The following AGBL1 variants were observed in gnomAD, a reference collection of about 807,000 sequenced individuals.
AGBL1 encodes AGBL carboxypeptidase 1, also known as cytosolic carboxypeptidase 4.
AGBL1 carries 130 observed loss-of-function variants against 118.9 expected under a neutral mutation model. That is an observed-to-expected ratio of 1.09 (90% CI 0.95 to 1.26). The LOEUF (loss-of-function observed/expected upper bound fraction) is 1.26, where lower values mean the gene tolerates loss of function less well. Ranked by LOEUF, AGBL1 falls within the 50% of genes most tolerant of loss-of-function variation. The pLI, the probability that AGBL1 is intolerant of heterozygous loss-of-function variation, is 0.00. For missense variants in AGBL1, 1,584 were observed against 1,298.1 expected (o/e 1.22, Z -3.38); for synonymous variants, 555 against 478.9 (o/e 1.16, Z -2.08).
intron 21 of AGBL1, among the ~76,000 whole-genome samples, chr15:86,647,009 G>A (rs1450504922): frequency 6.6e-6 from 1 of 151,408 alleles, no homozygotes; most frequent in Non-Finnish European, 1.5e-5. Context: ...TTGTTTTGTT[G>A]TCTTCTCTTA....
At chr15:86,945,910 C>T (rs1274342834) in intron 23 of AGBL1, among the ~76,000 whole-genome samples, 1 of 152,162 alleles carries the variant, frequency 6.6e-6, no homozygotes, top group Non-Finnish European at 1.5e-5. Flanking sequence ...AATAATTCTT[C>T]CCAAATGTAT....
chr15:86,278,824 G>A (rs577471337), intron 15 of AGBL1, among the ~76,000 whole-genome samples: 2 of 152,134 alleles, frequency 1.3e-5, no homozygotes, highest in African/African-American at 2.4e-5. Context: ...AATATTGCTC[G>A]GAATGGACTT....
chr15:86,914,009 T>A lies in AGBL1; in HGVS notation c.*6715T>A, dbSNP rs1381345910. 1 of 152,344 alleles carries A rather than the reference T, an allele frequency of 6.6e-6. No homozygotes were observed. Among genetic ancestry groups the A allele is most frequent in the Non-Finnish European group, 1.5e-5 (1 of 68,024 alleles). 9.4% of individuals were successfully genotyped at this position (152,344 alleles called of 1,614,324 possible). A position where few individuals can be genotyped will look rare whatever the true frequency, so the allele number is the denominator to read the frequency against. ...TCAGACAAGTATTATGACCAGCTCC[T>A]GGCAAAATAAGTAACACTTAAGCAT... On this transcript the variant is annotated 3_prime_UTR_variant, in exon 23 of 23. Coordinates refer to ENST00000614907, the MANE Select transcript of AGBL1 (RefSeq NM_001386094.1).
downstream of AGBL1, among the ~76,000 whole-genome samples, chr15:86,919,573 GACACACACACACACACACACACACAC>G (rs376501612): frequency 2.3e-4 from 30 of 128,738 alleles, no homozygotes; most frequent in Non-Finnish European, 3.6e-4. Flanking sequence ...TCCCTGTTGA[GACACACACACACACACACACACACAC>G]ACACACACAC....
intron 5 of AGBL1, among the ~76,000 whole-genome samples, chr15:86,219,337 C>G (rs541211567): frequency 6.6e-6 from 1 of 152,258 alleles, no homozygotes; most frequent in East Asian, 1.9e-4. Flanking sequence ...GCAAAAATTA[C>G]GTTTGGACCA....
Position 86,216,229 on chromosome 15 carries a change from CATTT to C in AGBL1, c.489-8661_489-8658del, listed in dbSNP as rs56843379. Among the ~76,000 whole-genome samples the C allele has an allele frequency of 1.4e-3, 207 of 150,674 alleles. 1 individual carries two copies. The highest frequency in any genetic ancestry group is 1.6e-3 in the Non-Finnish European group (108 of 67,690). On this transcript the variant is annotated intron_variant, in intron 5 of 22. Transcript: ENST00000614907. ...ATTTCTTATTTTCCAAACTACATGC[CATTT>C]ATTTATTTATTTATTTATTTATTCA...
chr15:86,759,700 A>C (rs2077996994), intron 22 of AGBL1, among the ~76,000 whole-genome samples: 1 of 152,140 alleles, frequency 6.6e-6, no homozygotes, highest in Admixed American at 6.6e-5. Flanking sequence ...ATATGGAAGA[A>C]CATTAAAATC....
At position 86,224,916 on chromosome 15, in the gene AGBL1, C is replaced by T. The variant is rs1220790538; in HGVS notation, c.491C>T (p.Ala164Val). 1.2e-6 allele frequency: 2 copies of T among 1,613,336 alleles called. No homozygotes were observed. Residue 164 changes from alanine (A) to valine (V), a missense_variant and splice_region_variant, in exon 6 of 23, where the codon GCA (alanine) becomes GTA (valine). Physicochemically the swap from Ala to Val is moderately conservative, Grantham distance 64. Coordinates refer to ENST00000614907, the MANE Select transcript of AGBL1 (RefSeq NM_001386094.1). ...TACTTTTCTTTCTCTTTCCCCAGGG[C>T]AGCCACTGAAGTTTTGGCAGCATTG... ...YTRKRTQAIR[A>V]ATEVLAALLK...
At chr15:86,464,941 T>C (rs150718203) in intron 18 of AGBL1, among the ~76,000 whole-genome samples, 2 of 152,162 alleles carry the variant, frequency 1.3e-5, no homozygotes, top group African/African-American at 4.8e-5. Flanking sequence ...TGAATTTGAA[T>C]GTTGGCCTGT....
chr15:86,132,581 A>T (rs1247807906), intron 1 of AGBL1, among the ~76,000 whole-genome samples: 2 of 152,208 alleles, frequency 1.3e-5, no homozygotes, highest in South Asian at 2.1e-4. Context: ...CTTGGGAAAG[A>T]CTTCATAGAC....
At chr15:86,196,875 G>GCACA (rs1567119089) in intron 5 of AGBL1, among the ~76,000 whole-genome samples, 1 of 86,696 alleles carries the variant, frequency 1.2e-5, no homozygotes, top group African/African-American at 5.8e-5. Flanking sequence ...ATGTGCGCGC[G>GCACA]CGCGCACACA....
At chr15:86,228,961 C>A (rs1023202237) in intron 6 of AGBL1, among the ~76,000 whole-genome samples, 1 of 152,092 alleles carries the variant, frequency 6.6e-6, no homozygotes, top group African/African-American at 2.4e-5. Context: ...ATCCAAATCC[C>A]GTGCCTTTCC....
chr15:86,374,138 T>A (rs1596031631), intron 17 of AGBL1, among the ~76,000 whole-genome samples: 1 of 152,312 alleles, frequency 6.6e-6, no homozygotes, highest in East Asian at 1.9e-4. Context: ...CCAGCAATTG[T>A]TAGAAACAAA....
At chr15:86,842,397 T>A (rs1407448665) in intron 22 of AGBL1, among the ~76,000 whole-genome samples, 1 of 152,188 alleles carries the variant, frequency 6.6e-6, no homozygotes, top group East Asian at 1.9e-4. Context: ...CTCTGTGATA[T>A]TGCAGTCATC....
intron 1 of AGBL1, among the ~76,000 whole-genome samples, chr15:86,124,089 G>C (rs1163566879): frequency 6.6e-6 from 1 of 152,016 alleles, no homozygotes; most frequent in South Asian, 2.1e-4. Context: ...TAGCACTTTG[G>C]GAGGCCGAGG....
At chr15:86,790,120 C>G (rs2078470522) in intron 22 of AGBL1, among the ~76,000 whole-genome samples, 1 of 152,094 alleles carries the variant, frequency 6.6e-6, no homozygotes. Flanking sequence ...AGAAGGTACA[C>G]AGAGCTGCAT....
chr15:86,129,284 C>T (rs918002233), intron 1 of AGBL1, among the ~76,000 whole-genome samples: 1 of 152,026 alleles, frequency 6.6e-6, no homozygotes, highest in African/African-American at 2.4e-5. Flanking sequence ...TGTGTGTGTG[C>T]GTTTGTGTGT....
intron 19 of AGBL1, among the ~76,000 whole-genome samples, chr15:86,524,811 C>T (rs57161778): frequency 1.2e-3 from 185 of 152,270 alleles, no homozygotes; most frequent in African/African-American, 4.1e-3. Context: ...GATTTGAACC[C>T]TCTAGTCTTG....
chr15:87,013,520 T>C (rs1033410261), intron 24 of AGBL1, among the ~76,000 whole-genome samples: 3 of 106,536 alleles, frequency 2.8e-5, no homozygotes, highest in Middle Eastern at 0.01. Context: ...ATTTTTTCTT[T>C]TGTTTTTGAA....
Sources: allele counts gnomAD v4.1 joint callset (sites outside exome capture counted in the v4.1 genomes callset), GRCh38; gene constraint gnomAD v4.1.1; transcripts MANE v1.5; gene names NCBI Gene and HGNC (gene_info 2026-07-23, HGNC 2026-07-21).